MFNG: variants seen among roughly 807,000 people sequenced by gnomAD.
The protein encoded by MFNG is beta-1,3-N-acetylglucosaminyltransferase manic fringe.
In MFNG, 24 loss-of-function variants were observed where a neutral mutation model predicts 34.2. The ratio of observed to expected loss-of-function variants is 0.70; its 90% CI spans 0.51 to 0.99. MFNG has a LOEUF of 0.99. Ranked by LOEUF, MFNG falls within the 50% of genes least tolerant of loss-of-function variation. The pLI is 0.00. For synonymous variants in MFNG, 158 were observed against 179.2 expected (o/e 0.88, Z 0.94); for missense variants, 383 against 424.0 (o/e 0.90, Z 0.85).
rs757895498 is a variant in MFNG at position 37,469,988 on chromosome 22, C to CA, written c.940dup (p.Trp314LeufsTer57). On this transcript the variant is annotated frameshift_variant, in exon 8 of 8. Coordinates refer to ENST00000356998, the MANE Select transcript of MFNG (RefSeq NM_002405.4). LOFTEE classifies it high-confidence loss of function. ...TCATCGGGCACCCAGCTGGGGACAC[C>CA]AGGGTGTATCTGGATAGAGCAGACA... is the stretch of plus-strand genomic sequence containing the variant. The CA allele has an allele frequency of 2.1e-5, 33 of 1,609,318 alleles. No individual in the cohort carries two copies. In the South Asian group the frequency reaches 3.4e-4, roughly 17 times the overall value.
In MFNG at chr22:37,481,089, T is replaced by TCACA. The variant is rs996201718; in HGVS notation, c.256-324_256-321dup. 8.0e-4 allele frequency: 298 copies of TCACA among 372,092 alleles called. 1 individual carries two copies. The highest frequency in any genetic ancestry group is 5.9e-3 in the African/African-American group (281 of 47,244). 23.0% of individuals were successfully genotyped at this position (372,092 alleles called of 1,614,324 possible). On this transcript the variant is annotated intron_variant, in intron 1 of 7. Coordinates refer to ENST00000356998, the MANE Select transcript of MFNG (RefSeq NM_002405.4). ...CCTCTTCTATCACACACACACACAATCACACACACACACACAATCACAGCT... is the reference window on the plus strand; with the variant it reads ...CCTCTTCTATCACACACACACACAATCACACACACACACACACACAATCACAGCT...
chr22:37,472,665 T>C (rs1266971994), intron 6 of MFNG, 137 bp from the exon 7 acceptor site: 3 of 780,234 alleles, frequency 3.8e-6, no homozygotes, highest in South Asian at 3.6e-5. Context: ...CCGCTGGTGG[T>C]GGGAGCCCAC....
chr22:37,480,427 G>A, intron 2 of MFNG, 128 bp from the exon 3 acceptor site: 2 of 749,212 alleles, frequency 2.7e-6, no homozygotes, highest in Admixed American at 2.5e-5. Context: ...TTTTACACAT[G>A]GTAGGACTGA....
rs1339020474 is a variant in MFNG, at chr22:37,486,057, G to T, written c.121C>A (p.Leu41Met). Residue 41 changes from leucine (L) to methionine (M), a missense_variant, in exon 1 of 8, where the codon CTG becomes ATG. Physicochemically the swap from Leu to Met is conservative, Grantham distance 15. Coordinates refer to ENST00000356998, the MANE Select transcript of MFNG (RefSeq NM_002405.4). ...GGGGGCCCCGGGTTCGGCTGGCTCA[G>T]CTCGGGGGTCCCTTGTACCCGCTGC... ...SPQRVQGTPE[L>M]SQPNPGPPKL... The T allele has an allele frequency of 1.9e-6, 3 of 1,613,728 alleles. No homozygotes were observed. In the African/African-American group the frequency reaches 4.0e-5, roughly 22 times the overall value.
chr22:37,477,004 G>A (rs1309930980), intron 4 of MFNG, 23 bp from the exon 5 acceptor site: 1 of 1,607,262 alleles, frequency 6.2e-7, no homozygotes, highest in East Asian at 2.2e-5. Flanking sequence ...AAGGCCAAGG[G>A]GCAGAGTGAG....
chr22:37,469,994 G>A lies in MFNG; in HGVS notation c.935C>T (p.Thr312Ile), dbSNP rs1263937774. 1.9e-6 allele frequency: 3 copies of A among 1,609,526 alleles called. No homozygotes were observed. In the South Asian group the frequency reaches 3.3e-5, roughly 18 times the overall value. ...RSLHCLLYPD[T>I]PWCPQLGAR ...GGCACCCAGCTGGGGACACCAGGGT[G>A]TATCTGGATAGAGCAGACAATGGAG... The change falls in exon 8 of 8, where the codon ACA becomes ATA. Residue 312 changes from threonine to isoleucine, a missense_variant. By Grantham distance (89) the Thr-to-Ile change is moderately conservative (BLOSUM62 -1). Coordinates refer to ENST00000356998, the MANE Select transcript of MFNG (RefSeq NM_002405.4).
chr22:37,475,760 G>C (rs1451460168), intron 5 of MFNG, among the ~76,000 whole-genome samples: 1 of 152,208 alleles, frequency 6.6e-6, no homozygotes, highest in African/African-American at 2.4e-5. Context: ...AGGAGTTGGA[G>C]GGAGAGGGCT....
chr22:37,476,699 T>C (rs1922057396), intron 5 of MFNG, among the ~76,000 whole-genome samples, 197 bp downstream of exon 5: 1 of 152,200 alleles, frequency 6.6e-6, no homozygotes, highest in African/African-American at 2.4e-5. Flanking sequence ...TGGCACGTCA[T>C]GCGCTCAGCC....
intron 6 of MFNG, 46 bp downstream of exon 6, chr22:37,474,466 T>A: frequency 6.2e-7 from 1 of 1,603,658 alleles, no homozygotes. Context: ...CCCATGTTCC[T>A]TTGGTTCCCC....
intron 4 of MFNG, among the ~76,000 whole-genome samples, chr22:37,477,781 C>T (rs569439478): frequency 6.6e-6 from 1 of 152,308 alleles, no homozygotes; most frequent in South Asian, 2.1e-4. Context: ...GTGTTGACTT[C>T]GTGCCAGGTC....
chr22:37,480,683 C>G (rs374827274), intron 2 of MFNG, 38 bp downstream of exon 2: 1 of 1,605,062 alleles, frequency 6.2e-7, no homozygotes, highest in African/African-American at 1.3e-5. Flanking sequence ...CAGGCAACAG[C>G]TAAAGTCCCC....
At chr22:37,473,714 G>A (rs540273174) in intron 6 of MFNG, among the ~76,000 whole-genome samples, 2 of 152,232 alleles carry the variant, frequency 1.3e-5, no homozygotes, top group African/African-American at 2.4e-5. Flanking sequence ...GCTCTCCTCC[G>A]ATAGTGGGGG....
At chr22:37,480,453 G>A in intron 2 of MFNG, 154 bp from the exon 3 acceptor site, 3 of 678,996 alleles carry the variant, frequency 4.4e-6, no homozygotes, top group Non-Finnish European at 7.5e-6. Flanking sequence ...GGGGAAGGCA[G>A]ACCTGCCCAG....
chr22:37,481,507 C>G (rs1922290582), intron 1 of MFNG: 1 of 152,310 alleles, frequency 6.6e-6, no homozygotes, highest in South Asian at 2.1e-4. Context: ...CCTACATAAT[C>G]CAAGCTCAGA....
At position 37,482,868 on chromosome 22, in the gene MFNG, G is replaced by T. The variant is rs574211708; in HGVS notation, c.256-2099C>A. Among the ~76,000 whole-genome samples, 2 of 152,222 alleles carry T rather than the reference G, an allele frequency of 1.3e-5. No individual in the cohort carries two copies. The highest frequency in any genetic ancestry group is 2.1e-4 in the South Asian group (1 of 4,826). ...GAATGCTGGAGGTCTCTGGATTTCC[G>T]CAGGGGGAAATGGTGGTGGTCCAAG... On this transcript the variant is annotated intron_variant, in intron 1 of 7. Coordinates refer to ENST00000356998, the MANE Select transcript of MFNG (RefSeq NM_002405.4). The surrounding 1 kb of genome is among the most constrained non-coding windows in gnomAD (Gnocchi z 4.1).
chr22:37,475,262 T>G (rs1477233699), intron 5 of MFNG, among the ~76,000 whole-genome samples: 1 of 152,146 alleles, frequency 6.6e-6, no homozygotes, highest in Admixed American at 6.5e-5. Context: ...CTCCCTTCAT[T>G]GCCCAGGCTG....
intron 4 of MFNG, among the ~76,000 whole-genome samples, chr22:37,478,069 C>T (rs1254307930): frequency 1.3e-5 from 2 of 152,190 alleles, no homozygotes; most frequent in East Asian, 1.9e-4. Flanking sequence ...GCCTGGGGGA[C>T]CCCCTGGCTC....
chr22:37,469,689 C>A lies in MFNG; in HGVS notation c.*274G>T. On this transcript the variant is annotated 3_prime_UTR_variant, in exon 8 of 8. Transcript: ENST00000356998. ...CAGCCCAGCTCAAGTGCCCCCTGCC[C>A]TTTTTCAATTCAGCCTCCTGAGGGA... The A allele has an allele frequency of 1.8e-6, 1 of 542,162 alleles. No individual in the cohort carries two copies. The highest frequency in any genetic ancestry group is 3.5e-6 in the Non-Finnish European group (1 of 289,458). The allele number at this position is 542,162 out of a possible 1,614,324, so 33.6% of individuals were successfully genotyped here.
In MFNG at chr22:37,476,948, C is replaced by G. The variant is rs1290460374; in HGVS notation, c.595G>C (p.Ala199Pro). The part of the protein sequence containing the change: ...LVQFWFATGG[A>P]GFCINRKLAL... ...AGTTTGCGATTGATGCAGAAGCCAG[C>G]ACCCCCAGTGGCAAACCAGAACTGT... Residue 199 changes from alanine (A) to proline (P), a missense_variant, in exon 5 of 8, where the codon GCT becomes CCT. Coordinates refer to ENST00000356998, the MANE Select transcript of MFNG (RefSeq NM_002405.4). 6.2e-7 allele frequency: 1 copy of G among 1,614,144 alleles called. No individual in the cohort carries two copies. Among genetic ancestry groups the G allele is most frequent in the Admixed American group, 1.7e-5 (1 of 60,028 alleles).
Sources: gnomAD v4.1 joint callset for allele counts (sites outside exome capture counted in the v4.1 genomes callset) on GRCh38, gnomAD v4.1.1 for gene constraint, Gnocchi (gnomAD v3.1) non-coding constraint, MANE v1.5 for transcripts, NCBI Gene and HGNC (gene_info 2026-07-23, HGNC 2026-07-21) for gene names.